The following HPS1 variants were observed in gnomAD, a reference collection of about 807,000 sequenced individuals.
HPS1 encodes HPS1 biogenesis of lysosomal organelles complex 3 subunit 1.
In HPS1, 59 loss-of-function variants were observed where a neutral mutation model predicts 90.6. That is an observed-to-expected ratio of 0.65 (90% confidence interval 0.53 to 0.81). HPS1 has a LOEUF of 0.81. HPS1 is among the 30% of genes least tolerant of loss of function. The probability of loss-of-function intolerance (pLI) is 0.00; values close to 1 mark genes in which losing one functional copy is unlikely to be tolerated. For synonymous variants in HPS1, 388 were observed against 384.4 expected (o/e 1.01, Z -0.11); for missense variants, 849 against 896.7 (o/e 0.95, Z 0.68).
rs1368772572 is a variant in HPS1 at position 98,427,233 on chromosome 10, G to C, written c.969C>G (p.Pro323=). ...AACTCACCTGAAGGGCATCCATGGGGGGGGTGCCCCCCTCCAGCCAGATGG... is the reference window on the plus strand; with the variant it reads ...AACTCACCTGAAGGGCATCCATGGGCGGGGTGCCCCCCTCCAGCCAGATGG... ...GSTIWLEGGT[P]PMDALQIAED... Residue 323 remains proline (P), a synonymous_variant, in exon 11 of 20, where the codon CCC becomes CCG. Transcript: ENST00000361490. 6.4e-7 allele frequency: 1 copy of C among 1,551,374 alleles called. No individual in the cohort carries two copies. The highest frequency in any genetic ancestry group is 8.7e-7 in the Non-Finnish European group (1 of 1,146,846).
At position 98,433,979 on chromosome 10, in the gene HPS1, TC is replaced by T; in HGVS notation, c.507+3del. On this transcript the variant is annotated splice_donor_region_variant and intron_variant, in intron 6 of 19. Transcript: ENST00000361490. ...TCCTGAGGACTCCCGCGCCCAGTAG[TC>T]ACCTCCACGGCGAAGCACTGCTCCT... 1 of 1,555,776 alleles carries T rather than the reference TC, an allele frequency of 6.4e-7. No individual in the cohort carries two copies.
At position 98,429,568 on chromosome 10, in the gene HPS1, C is replaced by A. The variant is rs779492133; in HGVS notation, c.937+5G>T. On this transcript the variant is annotated splice_donor_5th_base_variant and intron_variant, in intron 10 of 19. Transcript: ENST00000361490. ...TGTTTCCTCCTGCTTTCCTCCGGTC[C>A]TCACCTGAGCTCTGATCGCCAGGGG... 2 of 1,614,112 alleles carry A rather than the reference C, an allele frequency of 1.2e-6. No individual in the cohort carries two copies. The highest frequency in any genetic ancestry group is 2.7e-5 in the African/African-American group (2 of 74,950).
intron 6 of HPS1, among the ~76,000 whole-genome samples, chr10:98,431,994 T>C (rs1267266448): frequency 6.6e-6 from 1 of 152,226 alleles, no homozygotes; most frequent in Non-Finnish European, 1.5e-5. Context: ...CATAACTCAA[T>C]TTGCACTAGT....
chr10:98,440,727 C>CA (rs200905541), intron 3 of HPS1, among the ~76,000 whole-genome samples: 4,692 of 138,338 alleles, frequency 0.034, 151 homozygotes, highest in East Asian at 0.18. Context: ...TGCACATTAA[C>CA]AAAAAAAAAA....
At chr10:98,426,959 A>G (rs1349914477) in intron 11 of HPS1, among the ~76,000 whole-genome samples, 1 of 152,126 alleles carries the variant, frequency 6.6e-6, no homozygotes, top group Non-Finnish European at 1.5e-5. Flanking sequence ...TTCACTCCCA[A>G]GAACAATGGA....
At chr10:98,442,013 A>C (rs527897365) in intron 3 of HPS1, among the ~76,000 whole-genome samples, 19 of 152,368 alleles carry the variant, frequency 1.2e-4, no homozygotes, top group African/African-American at 4.3e-4. Context: ...GTATACATAG[A>C]CTTGTACGTG....
chr10:98,418,425 T>C (rs963929231), intron 18 of HPS1, among the ~76,000 whole-genome samples, 168 bp from the exon 19 acceptor site: 15 of 152,192 alleles, frequency 9.9e-5, no homozygotes, highest in Admixed American at 5.9e-4. Context: ...ACAGTCACCT[T>C]ATGAACATTA....
In HPS1 at chr10:98,435,788, A is replaced by G. The variant is rs1444847716; in HGVS notation, c.118-16T>C. On this transcript the variant is annotated splice_polypyrimidine_tract_variant and intron_variant, in intron 3 of 19. Coordinates refer to ENST00000361490, the MANE Select transcript of HPS1 (RefSeq NM_000195.5). This position sits in a 1 kb window ranked among gnomAD's most constrained non-coding sequence, Gnocchi z 4.3. ...GGGCAGGGAGCTGCAAAAATGGGGG[A>G]AAATTTCACAGCTTAGAGTGGGCCA... The G allele has an allele frequency of 1.9e-6, 3 of 1,614,080 alleles. No individual in the cohort carries two copies. Among genetic ancestry groups the G allele is most frequent in the Admixed American group, 3.3e-5 (2 of 60,004 alleles).
intron 3 of HPS1, among the ~76,000 whole-genome samples, chr10:98,441,984 T>C (rs1440460769): frequency 6.6e-6 from 1 of 152,264 alleles, no homozygotes; most frequent in Admixed American, 6.5e-5. Context: ...TATCTGTCCT[T>C]GGACATGAAA....
intron 11 of HPS1, 38 bp downstream of exon 11, chr10:98,427,177 G>T (rs1480888671): frequency 1.3e-6 from 2 of 1,527,358 alleles, no homozygotes; most frequent in Admixed American, 3.9e-5. Flanking sequence ...CGGCATCTCA[G>T]ATCAGCTGGC....
rs999945041 is a variant in HPS1, at chr10:98,435,514, G to A, written c.256-100C>T. On this transcript the variant is annotated intron_variant, in intron 4 of 19. Coordinates refer to ENST00000361490, the MANE Select transcript of HPS1 (RefSeq NM_000195.5). This position sits in a 1 kb window ranked among gnomAD's most constrained non-coding sequence, Gnocchi z 4.3. The stretch of plus-strand genomic sequence containing the variant: ...GCCAGGGGAGGCTCGGGTCCCAGGC[G>A]GGTTTGATAAGATGCCGTTTCTGCC... The A allele has an allele frequency of 3.0e-5, 48 of 1,608,408 alleles. No individual in the cohort carries two copies. Among genetic ancestry groups the A allele is most frequent in the East Asian group, 1.6e-4 (7 of 44,842 alleles).
At chr10:98,433,757 T>C (rs569705175) in intron 6 of HPS1, among the ~76,000 whole-genome samples, 1 of 152,260 alleles carries the variant, frequency 6.6e-6, no homozygotes, top group East Asian at 1.9e-4. Flanking sequence ...ACCCAAAAAT[T>C]GCATTAAAAG....
At chr10:98,428,458 C>T (rs538653389) in intron 10 of HPS1, among the ~76,000 whole-genome samples, 61 of 152,208 alleles carry the variant, frequency 4.0e-4, no homozygotes, top group South Asian at 2.7e-3. Context: ...GGTTTGCACC[C>T]GAGGCACACT....
chr10:98,422,493 C>T lies in HPS1; in HGVS notation c.1619G>A (p.Gly540Asp). Residue 540 changes from glycine to aspartate, a missense_variant, in exon 17 of 20, where the codon GGC becomes GAC. Transcript: ENST00000361490. ...GTCCACATAGATGAAGTGCACCAAG[C>T]CTGGGAAGTCTTCTAGGTAGGTGAA... ...TMVSYLEDFP[G>D]LVHFIYVDRT... The T allele has an allele frequency of 6.2e-7, 1 of 1,614,154 alleles. No homozygotes were observed. The highest frequency in any genetic ancestry group is 8.5e-7 in the Non-Finnish European group (1 of 1,180,026).
At chr10:98,424,202 T>C in intron 14 of HPS1, 111 bp downstream of exon 14, 2 of 879,754 alleles carry the variant, frequency 2.3e-6, no homozygotes, top group Non-Finnish European at 3.7e-6. Flanking sequence ...ATCTCCTTTC[T>C]TGAAATTATT....
intron 3 of HPS1, among the ~76,000 whole-genome samples, chr10:98,439,512 T>C (rs1035024418): frequency 2.0e-5 from 3 of 152,206 alleles, no homozygotes; most frequent in Non-Finnish European, 4.4e-5. Flanking sequence ...TGGACTTGCA[T>C]GGGTCCTGTA....
intron 13 of HPS1, among the ~76,000 whole-genome samples, chr10:98,425,188 C>T (rs186975123): frequency 2.0e-4 from 30 of 152,336 alleles, no homozygotes; most frequent in Admixed American, 3.9e-4. Flanking sequence ...AAGCCCGTGA[C>T]GGGCGGATCC....
At chr10:98,438,226 T>C (rs1465463594) in intron 3 of HPS1, among the ~76,000 whole-genome samples, 1 of 152,184 alleles carries the variant, frequency 6.6e-6, no homozygotes, top group Non-Finnish European at 1.5e-5. Context: ...ACTATAAAGA[T>C]ACCCAAAAAT....
In HPS1 at chr10:98,429,564, G is replaced by T; in HGVS notation, c.937+9C>A. 2 of 1,614,168 alleles carry T rather than the reference G, an allele frequency of 1.2e-6. No individual in the cohort carries two copies. The highest frequency in any genetic ancestry group is 2.2e-5 in the South Asian group (2 of 91,080). On this transcript the variant is annotated intron_variant, in intron 10 of 19. Transcript: ENST00000361490. ...CTATTGTTTCCTCCTGCTTTCCTCCGGTCCTCACCTGAGCTCTGATCGCCA... is the reference window on the plus strand; with the variant it reads ...CTATTGTTTCCTCCTGCTTTCCTCCTGTCCTCACCTGAGCTCTGATCGCCA...
Sources: gnomAD v4.1 joint callset for allele counts (sites outside exome capture counted in the v4.1 genomes callset) on GRCh38, gnomAD v4.1.1 for gene constraint, Gnocchi (gnomAD v3.1) non-coding constraint, MANE v1.5 for transcripts, NCBI Gene and HGNC (gene_info 2026-07-23, HGNC 2026-07-21) for gene names.